CNTN5: variants seen among roughly 807,000 people sequenced by gnomAD.
CNTN5 encodes contactin-5.
In CNTN5, 77 loss-of-function variants were observed where a neutral mutation model predicts 129.1. That is an observed-to-expected ratio of 0.60 (90% confidence interval 0.50 to 0.72). CNTN5 has a LOEUF of 0.72. CNTN5 is among the 30% of genes least tolerant of loss of function. The pLI, the probability that CNTN5 is intolerant of heterozygous loss-of-function variation, is 0.00. For missense variants in CNTN5, 1,478 were observed against 1,328.8 expected (o/e 1.11, Z -1.75); for synonymous variants, 509 against 465.6 (o/e 1.09, Z -1.20).
chr11:99,022,767 G>A (rs1028672226), intron 1 of CNTN5, among the ~76,000 whole-genome samples: 2 of 152,030 alleles, frequency 1.3e-5, no homozygotes, highest in Non-Finnish European at 2.9e-5. Flanking sequence ...GGAGTGTGAG[G>A]GAATGATATT....
At chr11:99,049,191 A>G (rs956793909) in intron 1 of CNTN5, among the ~76,000 whole-genome samples, 6 of 152,170 alleles carry the variant, frequency 3.9e-5, no homozygotes, top group Admixed American at 2.0e-4. Flanking sequence ...TTCCTTATCT[A>G]TAATGACCTG....
chr11:99,776,698 T>C (rs1247710219), intron 3 of CNTN5, among the ~76,000 whole-genome samples: 1 of 151,672 alleles, frequency 6.6e-6, no homozygotes, highest in Non-Finnish European at 1.5e-5. Context: ...ACAGCAGTGC[T>C]CTCTACGGGA....
chr11:99,047,291 A>T (rs1027410745), intron 1 of CNTN5, among the ~76,000 whole-genome samples: 1 of 151,560 alleles, frequency 6.6e-6, no homozygotes, highest in East Asian at 1.9e-4. Flanking sequence ...TTCTACTCTA[A>T]CTTCTTTCTG....
intron 3 of CNTN5, among the ~76,000 whole-genome samples, chr11:99,809,180 A>C (rs1236745674): frequency 2.0e-5 from 3 of 152,152 alleles, no homozygotes; most frequent in Admixed American, 2.0e-4. Flanking sequence ...TCTTAATGCT[A>C]TATGCTTCTA....
chr11:100,182,701 G>C (rs73562427), intron 13 of CNTN5, among the ~76,000 whole-genome samples: 4,715 of 151,796 alleles, frequency 0.031, 243 homozygotes, highest in African/African-American at 0.11. Flanking sequence ...AACATTTCTA[G>C]GAAAAGAAAA....
chr11:99,716,906 G>A (rs1245356836), intron 3 of CNTN5, among the ~76,000 whole-genome samples: 1 of 152,064 alleles, frequency 6.6e-6, no homozygotes, highest in African/African-American at 2.4e-5. Flanking sequence ...GGAGAAAATA[G>A]AAAATGTTTA....
At chr11:99,625,935 CACACACACATAA>C (rs1951115951) in intron 3 of CNTN5, among the ~76,000 whole-genome samples, 1 of 150,516 alleles carries the variant, frequency 6.6e-6, no homozygotes, top group South Asian at 2.1e-4. Flanking sequence ...CACACACACA[CACACACACATAA>C]ATCTAATGAA....
chr11:99,795,516 A>T (rs754902944), intron 3 of CNTN5, among the ~76,000 whole-genome samples: 3 of 151,090 alleles, frequency 2.0e-5, no homozygotes, highest in Non-Finnish European at 2.9e-5. Flanking sequence ...GTTGCCAGAT[A>T]TGTTGTGCTG....
intron 2 of CNTN5, among the ~76,000 whole-genome samples, chr11:99,384,049 C>T (rs1013951968): frequency 2.0e-5 from 3 of 152,162 alleles, no homozygotes; most frequent in African/African-American, 7.2e-5. Context: ...ATTACTAGTG[C>T]GTTGCTGATT....
chr11:99,888,622 A>G (rs1948962823), intron 6 of CNTN5, among the ~76,000 whole-genome samples: 1 of 152,224 alleles, frequency 6.6e-6, no homozygotes, highest in Non-Finnish European at 1.5e-5. Context: ...CTGAAGCTGA[A>G]TCACATTTGT....
chr11:99,881,485 T>A (rs1948770486), intron 6 of CNTN5, among the ~76,000 whole-genome samples: 1 of 152,194 alleles, frequency 6.6e-6, no homozygotes, highest in Admixed American at 6.5e-5. Context: ...TAGTTATGCT[T>A]TTTAAAAATT....
At chr11:99,339,724 G>A (rs1223014662) in intron 2 of CNTN5, among the ~76,000 whole-genome samples, 1 of 151,550 alleles carries the variant, frequency 6.6e-6, no homozygotes, top group Non-Finnish European at 1.5e-5. Flanking sequence ...GGAGCTTGCA[G>A]TGAGCTGAGA....
intron 21 of CNTN5, among the ~76,000 whole-genome samples, chr11:100,330,689 A>G (rs1951888615): frequency 6.6e-6 from 1 of 150,450 alleles, no homozygotes; most frequent in Non-Finnish European, 1.5e-5. Context: ...CTTAAACAAA[A>G]CAATTATCCC....
chr11:99,925,267 A>T (rs970714079), intron 7 of CNTN5, among the ~76,000 whole-genome samples: 1 of 152,204 alleles, frequency 6.6e-6, no homozygotes, highest in East Asian at 1.9e-4. Context: ...GCGCCAAGGC[A>T]ACTGGAGTAA....
chr11:100,168,792 T>C (rs1356426893), intron 13 of CNTN5, among the ~76,000 whole-genome samples: 3 of 152,002 alleles, frequency 2.0e-5, no homozygotes, highest in African/African-American at 4.8e-5. Context: ...GTAATTCCTC[T>C]GATGGATCTG....
intron 13 of CNTN5, among the ~76,000 whole-genome samples, chr11:100,167,166 C>T (rs1231679156): frequency 6.6e-6 from 1 of 151,606 alleles, no homozygotes; most frequent in Non-Finnish European, 1.5e-5. Flanking sequence ...AAACAGTACA[C>T]TGAGTTTAAT....
intron 2 of CNTN5, among the ~76,000 whole-genome samples, chr11:99,474,437 G>C (rs535788441): frequency 6.6e-6 from 1 of 151,876 alleles, no homozygotes; most frequent in East Asian, 1.9e-4. Flanking sequence ...GTATGCCCTT[G>C]TTCACATATT....
chr11:100,251,359 T>A (rs984570778), intron 16 of CNTN5, among the ~76,000 whole-genome samples: 5 of 152,192 alleles, frequency 3.3e-5, no homozygotes, highest in African/African-American at 4.8e-5. Context: ...GTACATATAC[T>A]GTACAGTGAT....
At chr11:100,275,413 C>A (rs371460727) in intron 18 of CNTN5, among the ~76,000 whole-genome samples, 1 of 152,182 alleles carries the variant, frequency 6.6e-6, no homozygotes, top group Non-Finnish European at 1.5e-5. Flanking sequence ...TTCTAAAAAG[C>A]GCTGCCTTAC....
Sources: allele counts gnomAD v4.1 joint callset (sites outside exome capture counted in the v4.1 genomes callset), GRCh38; gene constraint gnomAD v4.1.1; transcripts MANE v1.5; gene names NCBI Gene and HGNC (gene_info 2026-07-23, HGNC 2026-07-21).